CADM2: variants seen among roughly 807,000 people sequenced by gnomAD.
The protein encoded by CADM2 is immunoglobulin superfamily member 4D.
A neutral mutation model predicts 49.8 loss-of-function variants in CADM2; 12 were observed. The ratio of observed to expected loss-of-function variants is 0.24; its 90% CI spans 0.15 to 0.39. The LOEUF (loss-of-function observed/expected upper bound fraction) is 0.39. Ranked by LOEUF, CADM2 falls within the 10% of genes least tolerant of loss-of-function variation. The probability of loss-of-function intolerance (pLI) is 1.00; values close to 1 mark genes in which losing one functional copy is unlikely to be tolerated. For missense variants in CADM2, 378 were observed against 492.3 expected (o/e 0.77, Z 2.20); for synonymous variants, 214 against 175.4 (o/e 1.22, Z -1.74).
rs2039710382 is a variant in CADM2, at chr3:85,492,387, A to T, written c.62-234135A>T. ...TGTGAGGACCACCTGAATTCAGGAG[A>T]TGGAGACCAGCCTACCCAACATGGT... On this transcript the variant is annotated intron_variant, in intron 1 of 9. Transcript: ENST00000383699. Among the ~76,000 whole-genome samples, 3 of 152,020 alleles carry T rather than the reference A, an allele frequency of 2.0e-5. No homozygotes were observed. The South Asian group carries it at 6.2e-4, about 32-fold the overall frequency.
intron 1 of CADM2, among the ~76,000 whole-genome samples, chr3:85,347,223 C>CAAAAAAAAAAAA (rs11331703): frequency 4.3e-5 from 2 of 46,148 alleles, no homozygotes; most frequent in Non-Finnish European, 6.9e-5. Context: ...CTCTGTCTCA[C>CAAAAAAAAAAAA]AAAAAAAAAA....
chr3:85,519,531 C>G (rs1460801790), intron 1 of CADM2, among the ~76,000 whole-genome samples: 1 of 152,018 alleles, frequency 6.6e-6, no homozygotes, highest in African/African-American at 2.4e-5. Context: ...ACTTACCCAA[C>G]ATATTCATTG....
intron 2 of CADM2, among the ~76,000 whole-genome samples, chr3:85,754,651 A>G (rs1436995831): frequency 6.6e-6 from 1 of 152,218 alleles, no homozygotes; most frequent in African/African-American, 2.4e-5. Flanking sequence ...ATCACAAAAT[A>G]GTGCTAATCA....
Position 85,322,983 on chromosome 3 carries a change from G to A in CADM2, c.61+363315G>A, listed in dbSNP as rs538497757. Among the ~76,000 whole-genome samples the A allele has an allele frequency of 6.6e-4, 100 of 152,256 alleles. 1 individual carries two copies. In the Middle Eastern group the frequency reaches 0.024, roughly 36 times the overall value. On this transcript the variant is annotated intron_variant, in intron 1 of 9. Coordinates refer to ENST00000383699, the MANE Select transcript of CADM2 (RefSeq NM_001167675.2). ...CTGTTTTCATTATTCTTTTATTGTG[G>A]TGTTTTGCCTCTGTCTGAGTTTGTC...
At chr3:85,894,263 C>T (rs978144677) in intron 5 of CADM2, among the ~76,000 whole-genome samples, 9 of 152,060 alleles carry the variant, frequency 5.9e-5, no homozygotes, top group African/African-American at 1.2e-4. Flanking sequence ...AACCAAACAC[C>T]GCATGTTCTC....
chr3:85,501,807 A>C (rs974537133), intron 1 of CADM2, among the ~76,000 whole-genome samples: 5 of 152,124 alleles, frequency 3.3e-5, no homozygotes. Flanking sequence ...CTTGGGTTTG[A>C]TAATCAGTTA....
chr3:84,978,649 A>G (rs2107125388), intron 1 of CADM2, among the ~76,000 whole-genome samples: 1 of 152,286 alleles, frequency 6.6e-6, no homozygotes, highest in Non-Finnish European at 1.5e-5. Flanking sequence ...TGCCGTAAGA[A>G]GACTTTTCTG....
At chr3:85,530,416 C>T (rs1299072748) in intron 1 of CADM2, among the ~76,000 whole-genome samples, 4 of 103,474 alleles carry the variant, frequency 3.9e-5, no homozygotes, top group Admixed American at 1.1e-4. Context: ...CTGCGAGCTC[C>T]GCCTCCCGGG....
At chr3:85,951,339 G>T (rs1723398749) in intron 7 of CADM2, among the ~76,000 whole-genome samples, 1 of 151,026 alleles carries the variant, frequency 6.6e-6, no homozygotes, top group South Asian at 2.1e-4. Context: ...AAAAAACACA[G>T]TGGGAAATCT....
intron 8 of CADM2, among the ~76,000 whole-genome samples, chr3:85,963,979 G>T (rs1024095100): frequency 3.3e-5 from 5 of 151,862 alleles, no homozygotes; most frequent in African/African-American, 1.2e-4. Flanking sequence ...ATGAAACAGT[G>T]AAACCATATT....
intron 3 of CADM2, among the ~76,000 whole-genome samples, chr3:85,843,376 C>T (rs985076084): frequency 8.6e-5 from 13 of 151,976 alleles, no homozygotes; most frequent in African/African-American, 2.9e-4. Flanking sequence ...TCTCTTTCCT[C>T]CTACCCAACC....
intron 8 of CADM2, among the ~76,000 whole-genome samples, chr3:86,018,136 T>C (rs1732571407): frequency 7.8e-6 from 1 of 128,242 alleles, no homozygotes; most frequent in African/African-American, 3.0e-5. Flanking sequence ...TGTTTGGTTT[T>C]TTGTTCTTGC....
At chr3:85,930,042 A>G (rs1720394506) in intron 6 of CADM2, among the ~76,000 whole-genome samples, 1 of 152,074 alleles carries the variant, frequency 6.6e-6, no homozygotes, top group African/African-American at 2.4e-5. Flanking sequence ...TTTAGTGAGT[A>G]TTACTAAAAT....
Position 85,715,413 on chromosome 3 carries a change from G to T in CADM2, c.62-11109G>T, listed in dbSNP as rs141097307. On this transcript the variant is annotated intron_variant, in intron 1 of 9. Transcript: ENST00000383699. Reference sequence around the variant, plus strand: ...TAGTGAGTAAAAAGTTCAAATTAGGGTAGTAACTAATTAGAACAAAACATT... The same window carrying T: ...TAGTGAGTAAAAAGTTCAAATTAGGTTAGTAACTAATTAGAACAAAACATT... Among the ~76,000 whole-genome samples, 263 of 152,222 alleles carry T rather than the reference G, an allele frequency of 1.7e-3. 1 individual carries two copies. Among genetic ancestry groups the T allele is most frequent in the African/African-American group, 5.9e-3 (244 of 41,532 alleles).
intron 1 of CADM2, among the ~76,000 whole-genome samples, chr3:85,579,267 T>A (rs1281711678): frequency 6.6e-6 from 1 of 152,216 alleles, no homozygotes; most frequent in Non-Finnish European, 1.5e-5. Context: ...TTGTTATTTT[T>A]CCTTGAATTT....
At chr3:84,979,000 C>T (rs1180575510) in intron 1 of CADM2, among the ~76,000 whole-genome samples, 1 of 148,482 alleles carries the variant, frequency 6.7e-6, no homozygotes, top group Non-Finnish European at 1.5e-5. Context: ...GCCATTGGCT[C>T]CCCCCATCAC....
chr3:85,081,987 A>G (rs1336242244), intron 1 of CADM2, among the ~76,000 whole-genome samples: 2 of 152,176 alleles, frequency 1.3e-5, no homozygotes, highest in Non-Finnish European at 2.9e-5. Context: ...TTTCATAAAT[A>G]TCACCTCATT....
At chr3:85,097,569 C>T (rs915090543) in intron 1 of CADM2, among the ~76,000 whole-genome samples, 44 of 152,116 alleles carry the variant, frequency 2.9e-4, no homozygotes, top group African/African-American at 5.8e-4. Context: ...CCTGAGGAAT[C>T]GCCACACTGA....
Position 85,083,729 on chromosome 3 carries a change from T to G in CADM2, c.61+124061T>G, listed in dbSNP as rs537562333. Among the ~76,000 whole-genome samples, 230 of 152,262 alleles carry G rather than the reference T, an allele frequency of 1.5e-3. 2 individuals are homozygous for G. The highest frequency in any genetic ancestry group is 0.014 in the South Asian group (69 of 4,826). ...ATATTTTTAAAATCTCCTTGATCATTTTTTTGTCTTTTGTCTTTCTTTATT... is the reference window on the plus strand; with the variant it reads ...ATATTTTTAAAATCTCCTTGATCATGTTTTTGTCTTTTGTCTTTCTTTATT... On this transcript the variant is annotated intron_variant, in intron 1 of 9. Transcript: ENST00000383699.
Sources: allele counts gnomAD v4.1 joint callset (sites outside exome capture counted in the v4.1 genomes callset), GRCh38; gene constraint gnomAD v4.1.1; transcripts MANE v1.5; gene names NCBI Gene and HGNC (gene_info 2026-07-23, HGNC 2026-07-21).